Variants in BTBD9 observed in about 807,000 individuals in gnomAD.
The protein encoded by BTBD9 is BTB/POZ domain-containing protein 9.
A neutral mutation model predicts 64.3 loss-of-function variants in BTBD9; 49 were observed. The ratio of observed to expected loss-of-function variants is 0.76; its 90% confidence interval spans 0.61 to 0.97. The LOEUF (loss-of-function observed/expected upper bound fraction) is 0.97. Among genes scored for constraint, BTBD9 ranks in the 50% least tolerant of loss-of-function variants. The pLI is 0.00. For missense variants in BTBD9, 598 were observed against 762.1 expected, an observed-to-expected ratio of 0.78 and a Z score of 2.53; for synonymous variants, 260 against 274.7, an observed-to-expected ratio of 0.95 and a Z score of 0.53.
At chr6:38,276,703 A>G (rs1761271428) in intron 8 of BTBD9, among the ~76,000 whole-genome samples, 1 of 152,198 alleles carries the variant, frequency 6.6e-6, no homozygotes, top group Non-Finnish European at 1.5e-5. Context: ...AAGTTAGAAC[A>G]GCAAAAGACT....
At chr6:38,242,865 C>A (rs941316232) in intron 9 of BTBD9, among the ~76,000 whole-genome samples, 2 of 152,208 alleles carry the variant, frequency 1.3e-5, no homozygotes, top group Non-Finnish European at 2.9e-5. Flanking sequence ...TAAAAAGTAA[C>A]CTTTCTCCTG....
At position 38,273,669 on chromosome 6, in the gene BTBD9, C is replaced by T. The variant is rs192131133; in HGVS notation, c.1454+14603G>A. 1.5e-3 allele frequency among the ~76,000 whole-genome samples: 230 copies of T among 152,166 alleles called. No individual in the cohort carries two copies. The Middle Eastern group carries it at 0.024, about 16-fold the overall frequency. On this transcript the variant is annotated intron_variant, in intron 8 of 10. Transcript: ENST00000481247. ...CAGAGTAAATATAGGGAGATCATTG[C>T]CCCCCATTGCCTAGCACTGAGCTGC... is the stretch of plus-strand genomic sequence containing the variant.
At position 38,174,887 on chromosome 6, in the gene BTBD9, C is replaced by G; in HGVS notation, c.*98G>C. ...AGGTCGGCTCCTCCCTGGAAAGGGG[C>G]AGAGGTGGGGGCAGTCAACAGAGAC... On this transcript the variant is annotated 3_prime_UTR_variant, in exon 11 of 11. Transcript: ENST00000481247. 2 of 1,419,350 alleles carry G rather than the reference C, an allele frequency of 1.4e-6. No individual in the cohort carries two copies. The highest frequency in any genetic ancestry group is 1.2e-5 in the South Asian group (1 of 80,660). The allele number at this position is 1,419,350 out of a possible 1,614,324, so 87.9% of individuals were successfully genotyped here.
chr6:38,415,858 T>TAAA (rs36006444), intron 6 of BTBD9, among the ~76,000 whole-genome samples: 182 of 145,778 alleles, frequency 1.2e-3, no homozygotes, highest in Middle Eastern at 0.011. Flanking sequence ...CTGCAGTCCT[T>TAAA]AAAAAAAAAA....
At chr6:38,219,810 A>G (rs994735011) in intron 9 of BTBD9, among the ~76,000 whole-genome samples, 10 of 152,196 alleles carry the variant, frequency 6.6e-5, no homozygotes, top group African/African-American at 2.4e-4. Flanking sequence ...TACATATACA[A>G]TTATAAATCG....
At chr6:38,185,879 C>T (rs936695085) in intron 10 of BTBD9, among the ~76,000 whole-genome samples, 1 of 152,224 alleles carries the variant, frequency 6.6e-6, no homozygotes, top group Non-Finnish European at 1.5e-5. Context: ...CATCCACCTA[C>T]AGTCCCTGCA....
At chr6:38,359,825 G>C (rs540608092) in intron 6 of BTBD9, among the ~76,000 whole-genome samples, 3 of 152,170 alleles carry the variant, frequency 2.0e-5, no homozygotes, top group Admixed American at 6.5e-5. Context: ...GTTAAGCTTT[G>C]GGGGTTGTGG....
intron 6 of BTBD9, among the ~76,000 whole-genome samples, chr6:38,386,667 G>A (rs1422291963): frequency 1.5e-5 from 2 of 136,080 alleles, no homozygotes; most frequent in African/African-American, 3.0e-5. Flanking sequence ...TGGGGGGCCA[G>A]GGTCTTGTTC....
At chr6:38,443,907 C>T (rs1338106396) in intron 6 of BTBD9, among the ~76,000 whole-genome samples, 3 of 152,178 alleles carry the variant, frequency 2.0e-5, no homozygotes, top group Admixed American at 6.5e-5. Context: ...CAAAACGGAG[C>T]GGTTTTGAAA....
chr6:38,550,141 A>G (rs951450474), intron 6 of BTBD9, among the ~76,000 whole-genome samples: 1 of 152,148 alleles, frequency 6.6e-6, no homozygotes, highest in African/African-American at 2.4e-5. Flanking sequence ...TTCCTCTTCA[A>G]CATCTCTACC....
intron 6 of BTBD9, among the ~76,000 whole-genome samples, chr6:38,509,521 G>A (rs1354230696): frequency 6.6e-6 from 1 of 152,188 alleles, no homozygotes; most frequent in East Asian, 1.9e-4. Flanking sequence ...TTGAGCATCT[G>A]TACTTTCTCA....
intron 1 of BTBD9, among the ~76,000 whole-genome samples, chr6:38,626,286 C>A (rs190323976): frequency 4.6e-5 from 7 of 152,310 alleles, no homozygotes; most frequent in African/African-American, 1.4e-4. Flanking sequence ...TTCCCTCAAG[C>A]ATTTATCCTT....
Position 38,440,476 on chromosome 6 carries a change from C to T in BTBD9, c.1155-95383G>A, listed in dbSNP as rs1313902301. On this transcript the variant is annotated intron_variant, in intron 6 of 10. Coordinates refer to ENST00000481247, the MANE Select transcript of BTBD9 (RefSeq NM_001099272.2). The stretch of plus-strand genomic sequence containing the variant: ...CAGCACTGTGGTAATAATTGGTGAC[C>T]TTGACAACGGCAGTTTGAGGGTGTA... Among the ~76,000 whole-genome samples, 5 of 152,144 alleles carry T rather than the reference C, an allele frequency of 3.3e-5. No homozygotes were observed. In the East Asian group the frequency reaches 9.6e-4, roughly 29 times the overall value.
rs77629380 is a variant in BTBD9, at chr6:38,344,966, T to A, written c.1264+18A>T. On this transcript the variant is annotated intron_variant, in intron 7 of 10. Coordinates refer to ENST00000481247, the MANE Select transcript of BTBD9 (RefSeq NM_001099272.2). ...AAATATCCAAATATACATACAAAAA[T>A]CTAATGGTAATACTTACCTATCAGC... 1 of 1,456,892 alleles carries A rather than the reference T, an allele frequency of 6.9e-7. No homozygotes were observed. Among genetic ancestry groups the A allele is most frequent in the East Asian group, 2.3e-5 (1 of 43,696 alleles). 90.2% of individuals were successfully genotyped at this position (1,456,892 alleles called of 1,614,324 possible).
At chr6:38,425,927 T>TACACACACACACAC (rs61016424) in intron 6 of BTBD9, among the ~76,000 whole-genome samples, 182 of 137,064 alleles carry the variant, frequency 1.3e-3, no homozygotes, top group South Asian at 3.0e-3. Flanking sequence ...AAGAAACACA[T>TACACACACACACAC]ACACACACAC....
intron 6 of BTBD9, among the ~76,000 whole-genome samples, chr6:38,405,714 A>C (rs1206864494): frequency 6.6e-6 from 1 of 152,190 alleles, no homozygotes; most frequent in Non-Finnish European, 1.5e-5. Flanking sequence ...TTGTTCTATA[A>C]CTTTTTAATA....
chr6:38,175,059 G>A lies in BTBD9; in HGVS notation c.1765C>T (p.Arg589Trp), dbSNP rs201997122. The A allele has an allele frequency of 1.5e-5, 25 of 1,614,030 alleles. No homozygotes were observed. Among genetic ancestry groups the A allele is most frequent in the East Asian group, 2.2e-5 (1 of 44,898 alleles). ...GGTAGTGAGCTGCCACTAGGCGCCC[G>A]CAGCGCATGGGAGTCGAGCTGCTGA... is the stretch of plus-strand genomic sequence containing the variant. Reference protein sequence around the residue: ...AGQQLDSHALRAPSGSSLPSS... With the variant: ...AGQQLDSHALWAPSGSSLPSS... Residue 589 changes from arginine to tryptophan, a missense_variant, in exon 11 of 11, where the codon CGG becomes TGG. Coordinates refer to ENST00000481247, the MANE Select transcript of BTBD9 (RefSeq NM_001099272.2).
intron 9 of BTBD9, among the ~76,000 whole-genome samples, chr6:38,210,047 G>T (rs746940547): frequency 1.4e-4 from 22 of 152,130 alleles, no homozygotes; most frequent in Non-Finnish European, 2.9e-4. Context: ...GGGCGTCCAT[G>T]GCGGTTTGAA....
At position 38,247,722 on chromosome 6, in the gene BTBD9, T is replaced by C. The variant is rs9470836; in HGVS notation, c.1562+8687A>G. On this transcript the variant is annotated intron_variant, in intron 9 of 10. Transcript: ENST00000481247. The stretch of plus-strand genomic sequence containing the variant: ...CCCATGGAGAGAAGCATAAGGAAAA[T>C]GTAGCTGGAGTGTCCTTTCCAGGGA... Among the ~76,000 whole-genome samples the C allele has an allele frequency of 7.5e-3, 1,148 of 152,288 alleles. 16 individuals are homozygous for C. Among genetic ancestry groups the C allele is most frequent in the African/African-American group, 0.025 (1,037 of 41,548 alleles).
Sources: gnomAD v4.1 joint callset for allele counts (sites outside exome capture counted in the v4.1 genomes callset) on GRCh38, gnomAD v4.1.1 for gene constraint, MANE v1.5 for transcripts, NCBI Gene and HGNC (gene_info 2026-07-23, HGNC 2026-07-21) for gene names.